SUPT3H: variants seen among roughly 807,000 people sequenced by gnomAD.
SUPT3H encodes transcription initiation protein SPT3 homolog.
SUPT3H carries 44 observed loss-of-function variants against 44.3 expected under a neutral mutation model. The observed-to-expected ratio is 0.99, with a 90% CI of 0.78 to 1.28. The LOEUF (loss-of-function observed/expected upper bound fraction) is 1.28. Among genes scored for constraint, SUPT3H ranks in the 50% most tolerant of loss-of-function variants. SUPT3H has a pLI of 0.00. For missense variants in SUPT3H, 380 were observed against 387.1 expected (o/e 0.98, Z 0.15); for synonymous variants, 124 against 125.6 (o/e 0.99, Z 0.09).
At chr6:44,893,220 A>C (rs1763571858) in intron 10 of SUPT3H, among the ~76,000 whole-genome samples, 1 of 152,078 alleles carries the variant, frequency 6.6e-6, no homozygotes, top group Admixed American at 6.6e-5. Flanking sequence ...AAAAATAATA[A>C]AAATGTATTT....
intron 2 of SUPT3H, among the ~76,000 whole-genome samples, chr6:45,236,268 C>T (rs750753797): frequency 5.3e-5 from 8 of 151,982 alleles, no homozygotes; most frequent in Non-Finnish European, 7.4e-5. Flanking sequence ...AAACCCAGGT[C>T]GAAAGGTCGC....
At chr6:45,181,022 G>GAA (rs543161890) in intron 2 of SUPT3H, among the ~76,000 whole-genome samples, 2,012 of 150,030 alleles carry the variant, frequency 0.013, 21 homozygotes, top group Non-Finnish European at 0.023. Flanking sequence ...AAATTTACAA[G>GAA]AAAAAAAACA....
At chr6:44,937,036 T>C (rs1323770020) in intron 9 of SUPT3H, among the ~76,000 whole-genome samples, 2 of 152,216 alleles carry the variant, frequency 1.3e-5, no homozygotes, top group Middle Eastern at 3.2e-3. Flanking sequence ...TATTCATCTG[T>C]TGATGGAAAC....
At chr6:45,075,519 G>T (rs1794899093) in intron 3 of SUPT3H, among the ~76,000 whole-genome samples, 2 of 152,022 alleles carry the variant, frequency 1.3e-5, no homozygotes, top group African/African-American at 2.4e-5. Context: ...TGCTTAAATT[G>T]TTCTGCCTGA....
At chr6:44,956,421 T>C (rs185373860) in intron 7 of SUPT3H, among the ~76,000 whole-genome samples, 1 of 132,404 alleles carries the variant, frequency 7.6e-6, no homozygotes, top group East Asian at 2.2e-4. Context: ...AAGGTGGAGG[T>C]TGCAGTGAGC....
At chr6:44,866,460 T>C (rs1399052265) in intron 10 of SUPT3H, among the ~76,000 whole-genome samples, 2 of 150,818 alleles carry the variant, frequency 1.3e-5, no homozygotes, top group African/African-American at 4.9e-5. Flanking sequence ...TCTTAGGTAA[T>C]ATATATATAT....
intron 3 of SUPT3H, among the ~76,000 whole-genome samples, chr6:45,041,385 G>A (rs894906543): frequency 6.6e-6 from 1 of 152,128 alleles, no homozygotes; most frequent in Non-Finnish European, 1.5e-5. Context: ...GAGAGTGGTG[G>A]TGAGTAGCTA....
At chr6:45,227,786 T>C (rs1310496975) in intron 2 of SUPT3H, among the ~76,000 whole-genome samples, 3 of 152,220 alleles carry the variant, frequency 2.0e-5, no homozygotes, top group Non-Finnish European at 4.4e-5. Context: ...AATGATTAAA[T>C]TATTCCTTAA....
At chr6:45,176,926 C>T (rs1812043601) in intron 2 of SUPT3H, among the ~76,000 whole-genome samples, 1 of 152,082 alleles carries the variant, frequency 6.6e-6, no homozygotes, top group Admixed American at 6.5e-5. Flanking sequence ...TGTACATCAG[C>T]ATCATCAAAG....
chr6:45,173,140 TA>T (rs774116311), intron 2 of SUPT3H, among the ~76,000 whole-genome samples: 2 of 151,964 alleles, frequency 1.3e-5, no homozygotes, highest in African/African-American at 4.8e-5. Flanking sequence ...GTGGATTTCT[TA>T]AAAAAAACAC....
intron 2 of SUPT3H, among the ~76,000 whole-genome samples, chr6:45,259,518 G>A (rs1184677956): frequency 2.0e-5 from 3 of 152,002 alleles, no homozygotes. Context: ...TTTTGGGGTT[G>A]GTTTACTCTA....
At chr6:44,823,370 G>A (rs1767495872), downstream of SUPT3H, among the ~76,000 whole-genome samples, 1 of 152,072 alleles carries the variant, frequency 6.6e-6, no homozygotes, top group African/African-American at 2.4e-5. Context: ...GCTAGGGAAG[G>A]AGACCACCAT....
intron 10 of SUPT3H, among the ~76,000 whole-genome samples, chr6:44,851,422 C>T (rs754512216): frequency 1.3e-5 from 2 of 152,158 alleles, no homozygotes; most frequent in East Asian, 1.9e-4. Flanking sequence ...GCAGAACAGA[C>T]AGACTTATTA....
At chr6:45,030,439 G>T (rs146790589) in intron 3 of SUPT3H, among the ~76,000 whole-genome samples, 2 of 152,260 alleles carry the variant, frequency 1.3e-5, no homozygotes, top group Admixed American at 1.3e-4. Flanking sequence ...ACGGGTTGTA[G>T]CCCTTACTTG....
chr6:45,146,866 A>G (rs1396083093), intron 2 of SUPT3H, among the ~76,000 whole-genome samples: 3 of 152,160 alleles, frequency 2.0e-5, no homozygotes, highest in African/African-American at 4.8e-5. Context: ...AAGATGCTCC[A>G]GAGCAATGGT....
At chr6:45,300,952 G>A (rs1013140431) in intron 2 of SUPT3H, among the ~76,000 whole-genome samples, 24 of 152,158 alleles carry the variant, frequency 1.6e-4, no homozygotes, top group Admixed American at 6.5e-4. Flanking sequence ...ATCTCAGAGT[G>A]AGCTCTGGAG....
At chr6:44,929,973 C>T (rs151013895) in intron 10 of SUPT3H, among the ~76,000 whole-genome samples, 44 of 152,176 alleles carry the variant, frequency 2.9e-4, no homozygotes, top group Non-Finnish European at 5.4e-4. Context: ...GTAGCCTGGG[C>T]GCTGTGGCTC....
At chr6:44,973,526 A>G (rs1777889414) in intron 6 of SUPT3H, among the ~76,000 whole-genome samples, 1 of 152,116 alleles carries the variant, frequency 6.6e-6, no homozygotes, top group African/African-American at 2.4e-5. Flanking sequence ...AGACTTTCCC[A>G]TATTTTCCTG....
chr6:44,968,043 T>A (rs2153480774), intron 6 of SUPT3H, among the ~76,000 whole-genome samples: 1 of 152,268 alleles, frequency 6.6e-6, no homozygotes. Flanking sequence ...TCCTCCTGCC[T>A]CGGCCTCCCA....
Sources: allele counts gnomAD v4.1 joint callset (sites outside exome capture counted in the v4.1 genomes callset), GRCh38; gene constraint gnomAD v4.1.1; transcripts MANE v1.5; gene names NCBI Gene and HGNC (gene_info 2026-07-23, HGNC 2026-07-21).